The following ANO3 variants were observed in gnomAD, a reference collection of about 807,000 sequenced individuals.
ANO3 encodes the protein anoctamin 3, also known as anoctamin-3.
In ANO3, 99 loss-of-function variants were observed where a neutral mutation model predicts 144.8. That is an observed-to-expected ratio of 0.68 (90% CI 0.58 to 0.81). The LOEUF (loss-of-function observed/expected upper bound fraction) is 0.81. ANO3 is among the 30% of genes least tolerant of loss of function. The pLI, the probability that ANO3 is intolerant of heterozygous loss-of-function variation, is 0.00. For synonymous variants in ANO3, 414 were observed against 392.6 expected (o/e 1.05, Z -0.64); for missense variants, 905 against 1,202.2 (o/e 0.75, Z 3.66).
At chr11:26,602,467 C>G (rs1851825254) in intron 17 of ANO3, among the ~76,000 whole-genome samples, 1 of 152,112 alleles carries the variant, frequency 6.6e-6, no homozygotes, top group South Asian at 2.1e-4. Flanking sequence ...TGGCTCATGC[C>G]TGCAATCCCA....
intron 14 of ANO3, among the ~76,000 whole-genome samples, chr11:26,574,627 A>C (rs868654885): frequency 1.3e-5 from 2 of 152,182 alleles, no homozygotes; most frequent in African/African-American, 4.8e-5. Flanking sequence ...AATAGAATTT[A>C]ACGGCTGGGA....
chr11:26,293,389 A>C (rs1564952430), intron 1 of ANO3, among the ~76,000 whole-genome samples: 1 of 151,086 alleles, frequency 6.6e-6, no homozygotes, highest in African/African-American at 2.4e-5. Flanking sequence ...TTTAGTGAGC[A>C]TTTTTTCTCC....
chr11:26,648,983 A>G (rs932742451), intron 24 of ANO3, among the ~76,000 whole-genome samples: 1 of 152,236 alleles, frequency 6.6e-6, no homozygotes, highest in Non-Finnish European at 1.5e-5. Flanking sequence ...GATAGGTGAT[A>G]AAGGGATGGA....
chr11:26,578,748 C>T (rs966251446), intron 14 of ANO3, among the ~76,000 whole-genome samples: 2 of 152,022 alleles, frequency 1.3e-5, no homozygotes, highest in African/African-American at 4.8e-5. Flanking sequence ...AGGCCTATTG[C>T]TAAAATGGAG....
intron 10 of ANO3, among the ~76,000 whole-genome samples, chr11:26,541,247 A>G (rs1221533571): frequency 2.6e-5 from 4 of 152,188 alleles, no homozygotes; most frequent in Admixed American, 2.6e-4. Flanking sequence ...TTGAACAATG[A>G]GAATACGTGG....
At chr11:26,385,102 G>C (rs1257624615) in intron 1 of ANO3, among the ~76,000 whole-genome samples, 1 of 151,970 alleles carries the variant, frequency 6.6e-6, no homozygotes, top group Non-Finnish European at 1.5e-5. Context: ...TATAACATTT[G>C]ATACTTGGAA....
rs1193874835 is a variant in ANO3 at position 26,513,542 on chromosome 11, TC to T, written c.592-3283del. ...GGAGCTTAAATCTTTCCAGATCTCT[TC>T]CAGCGTTCATCAGATATTAGTCACT... On this transcript the variant is annotated intron_variant, in intron 5 of 26. Coordinates refer to ENST00000256737, the MANE Select transcript of ANO3 (RefSeq NM_031418.4). 5.3e-5 allele frequency among the ~76,000 whole-genome samples: 8 copies of T among 152,268 alleles called. No individual in the cohort carries two copies. The East Asian group carries it at 1.4e-3, about 26-fold the overall frequency.
intron 17 of ANO3, among the ~76,000 whole-genome samples, chr11:26,603,946 T>C (rs1237291206): frequency 1.3e-5 from 2 of 152,156 alleles, no homozygotes; most frequent in African/African-American, 4.8e-5. Context: ...TTATCATTTC[T>C]TTGTGATGGT....
upstream of ANO3, among the ~76,000 whole-genome samples, chr11:26,307,165 C>A (rs1564958307): frequency 2.6e-5 from 4 of 151,082 alleles, no homozygotes; most frequent in South Asian, 8.4e-4. Context: ...ACCAGCCTAG[C>A]CAACATAGTA....
chr11:26,470,408 A>T (rs1590389305), intron 4 of ANO3, among the ~76,000 whole-genome samples: 1 of 144,200 alleles, frequency 6.9e-6, no homozygotes, highest in Non-Finnish European at 1.5e-5. Flanking sequence ...AGAGAGGGAG[A>T]CCCTCTCAAA....
intron 17 of ANO3, among the ~76,000 whole-genome samples, chr11:26,604,513 A>T (rs1170116614): frequency 8.5e-5 from 13 of 152,116 alleles, no homozygotes; most frequent in Non-Finnish European, 1.6e-4. Flanking sequence ...CAGTATGATT[A>T]TTTTCACAAT....
chr11:26,284,059 A>G lies in ANO3; in HGVS notation c.155-25586A>G, dbSNP rs879095824. On this transcript the variant is annotated intron_variant, in intron 1 of 27. Transcript: ENST00000672621. The stretch of plus-strand genomic sequence containing the variant: ...GTGGGTGGTATGGCGGGAGGAGGGA[A>G]GCACAGGCAGCTCCCAGATAACTGC... Among the ~76,000 whole-genome samples, 4 of 152,226 alleles carry G rather than the reference A, an allele frequency of 2.6e-5. No homozygotes were observed. The East Asian group carries it at 7.7e-4, about 29-fold the overall frequency.
chr11:26,443,533 C>T (rs946455416), intron 2 of ANO3, among the ~76,000 whole-genome samples: 1 of 152,046 alleles, frequency 6.6e-6, no homozygotes, highest in African/African-American at 2.4e-5. Context: ...ACCCGGGAGG[C>T]GGAGGTTGCA....
At chr11:26,234,307 C>T (rs780233061) in intron 1 of ANO3, among the ~76,000 whole-genome samples, 40 of 152,116 alleles carry the variant, frequency 2.6e-4, no homozygotes, top group Non-Finnish European at 3.4e-4. Context: ...GATTTAGTGT[C>T]GTATGTGGTA....
At chr11:26,383,509 C>G (rs1284333877) in intron 1 of ANO3, among the ~76,000 whole-genome samples, 2 of 119,768 alleles carry the variant, frequency 1.7e-5, no homozygotes, top group Non-Finnish European at 4.0e-5. Context: ...GATTGACTGT[C>G]CTAGGAGATG....
At chr11:26,597,610 T>C (rs943607801) in intron 14 of ANO3, among the ~76,000 whole-genome samples, 28 of 152,172 alleles carry the variant, frequency 1.8e-4, no homozygotes, top group African/African-American at 6.3e-4. Context: ...GAGTGTGCAG[T>C]TGCAAGATTT....
chr11:26,471,779 G>A (rs2134071429), intron 4 of ANO3, among the ~76,000 whole-genome samples: 1 of 152,034 alleles, frequency 6.6e-6, no homozygotes, highest in South Asian at 2.1e-4. Context: ...GGAAAAAAAT[G>A]TGCCTATTTA....
chr11:26,402,287 C>T lies in ANO3; in HGVS notation c.47-39631C>T, dbSNP rs115337910. On this transcript the variant is annotated intron_variant, in intron 1 of 26. Transcript: ENST00000256737. The stretch of plus-strand genomic sequence containing the variant: ...CATAAGCATTCCTTTTTCTCCACAA[C>T]TTCGCCAGTGTCTGTTATTTTTTGA... 9.6e-3 allele frequency among the ~76,000 whole-genome samples: 1,460 copies of T among 152,138 alleles called. 18 individuals carry two copies. The highest frequency in any genetic ancestry group is 0.033 in the African/African-American group (1,351 of 41,526).
At chr11:26,189,155 A>T (rs1439905950) in exon 1 of ANO3, 2 of 975,998 alleles carry the variant, frequency 2.0e-6, no homozygotes, top group Non-Finnish European at 2.4e-6. Context: ...TTTACTTTAC[A>T]TAGTTATATG....
Sources: allele counts gnomAD v4.1 joint callset (sites outside exome capture counted in the v4.1 genomes callset), GRCh38; gene constraint gnomAD v4.1.1; transcripts MANE v1.5; gene names NCBI Gene and HGNC (gene_info 2026-07-23, HGNC 2026-07-21).